PRKD1: variants seen among roughly 807,000 people sequenced by gnomAD.
PRKD1 encodes the protein serine/threonine-protein kinase D1.
A neutral mutation model predicts 95.9 loss-of-function variants in PRKD1; 63 were observed. The ratio of observed to expected loss-of-function variants is 0.66; its 90% CI spans 0.54 to 0.81. The LOEUF is 0.81. Ranked by LOEUF, PRKD1 falls within the 30% of genes least tolerant of loss-of-function variation. The pLI is 0.00. For missense variants in PRKD1, 1,048 were observed against 1,165.3 expected (o/e 0.90, Z 1.47); for synonymous variants, 425 against 423.1 (o/e 1.00, Z -0.05).
Position 29,826,814 on chromosome 14 carries a change from CACATATATAT to C in PRKD1, c.264+100425_264+100434del, listed in dbSNP as rs1566623005. On this transcript the variant is annotated intron_variant, in intron 1 of 17. Transcript: ENST00000331968. ...ACACATATATATACACATATATATA[CACATATATAT>C]ATATATATATATATACACACATATA... Among the ~76,000 whole-genome samples the C allele has an allele frequency of 8.1e-4, 21 of 26,050 alleles. 3 individuals carry two copies. Among genetic ancestry groups the C allele is most frequent in the African/African-American group, 2.0e-3 (16 of 7,958 alleles). The allele number at this position is 26,050 out of a possible 152,430, so 17.1% of individuals were successfully genotyped here. A position where few individuals can be genotyped will look rare whatever the true frequency, so the allele number is the denominator to read the frequency against.
intron 16 of PRKD1, chr14:29,594,151 T>C (rs1277259587): frequency 2.2e-6 from 1 of 453,830 alleles, no homozygotes; most frequent in Non-Finnish European, 4.4e-6. Flanking sequence ...ATAGGTATTA[T>C]ATTGTATCAA....
intron 4 of PRKD1, among the ~76,000 whole-genome samples, chr14:29,651,604 A>C (rs1017262758): frequency 3.4e-5 from 5 of 145,646 alleles, no homozygotes; most frequent in Non-Finnish European, 3.0e-5. Context: ...CCAATCTTCT[A>C]CTCTCCTCTC....
intron 1 of PRKD1, among the ~76,000 whole-genome samples, chr14:29,781,183 A>C (rs572854564): frequency 6.6e-6 from 1 of 151,838 alleles, no homozygotes; most frequent in East Asian, 1.9e-4. Context: ...AGATATACCT[A>C]ATGTAAATGA....
rs771467240 is a variant in PRKD1, at chr14:29,614,958, C to A, written c.1905+9194G>T. ...AACTACTGAGCTCAGGCAGTCTGCC[C>A]GCCTCGGCCTCCCAAAGTGCTTGGA... On this transcript the variant is annotated intron_variant, in intron 13 of 17. Coordinates refer to ENST00000331968, the MANE Select transcript of PRKD1 (RefSeq NM_002742.3). 8.1e-4 allele frequency among the ~76,000 whole-genome samples: 123 copies of A among 151,364 alleles called. 1 individual carries two copies. Among genetic ancestry groups the A allele is most frequent in the Non-Finnish European group, 1.2e-3 (81 of 67,924 alleles).
chr14:29,801,730 C>G (rs750584135), intron 1 of PRKD1, among the ~76,000 whole-genome samples: 17 of 152,058 alleles, frequency 1.1e-4, no homozygotes, highest in Admixed American at 1.0e-3. Flanking sequence ...CTCTTGTTGC[C>G]CAGGCTGGAG....
At chr14:29,918,790 C>T (rs1000889757) in intron 1 of PRKD1, among the ~76,000 whole-genome samples, 6 of 152,120 alleles carry the variant, frequency 3.9e-5, no homozygotes, top group Admixed American at 6.5e-5. Flanking sequence ...TACATAACTG[C>T]AAATAAGCAA....
chr14:29,762,411 G>A (rs563813288), intron 1 of PRKD1, among the ~76,000 whole-genome samples: 1 of 152,242 alleles, frequency 6.6e-6, no homozygotes, highest in East Asian at 1.9e-4. Context: ...AGTCAAATCA[G>A]AAGACAGGAT....
At chr14:29,819,805 T>C (rs1451570986) in intron 1 of PRKD1, among the ~76,000 whole-genome samples, 1 of 152,260 alleles carries the variant, frequency 6.6e-6, no homozygotes, top group Admixed American at 6.5e-5. Context: ...TGTGTTTTTA[T>C]TGTTGGCAAA....
chr14:29,632,788 T>C (rs1880101569), intron 9 of PRKD1, 81 bp downstream of exon 9: 3 of 1,271,608 alleles, frequency 2.4e-6, no homozygotes, highest in Non-Finnish European at 3.4e-6. Context: ...TTGTTGGATG[T>C]ATTTCCTATT....
chr14:29,851,147 C>A (rs967182050), intron 1 of PRKD1, among the ~76,000 whole-genome samples: 1 of 151,984 alleles, frequency 6.6e-6, no homozygotes, highest in Non-Finnish European at 1.5e-5. Flanking sequence ...AGAAAATGTC[C>A]GTCTTGACAT....
intron 2 of PRKD1, among the ~76,000 whole-genome samples, chr14:29,706,216 T>A (rs1885082288): frequency 6.6e-6 from 1 of 152,172 alleles, no homozygotes; most frequent in South Asian, 2.1e-4. Context: ...CACCTTTTCA[T>A]GTGCTTACTG....
intron 1 of PRKD1, among the ~76,000 whole-genome samples, chr14:29,882,658 T>C (rs1437506330): frequency 6.6e-6 from 1 of 152,172 alleles, no homozygotes; most frequent in South Asian, 2.1e-4. Context: ...GCATTTTCCC[T>C]CTCCCCAGCC....
chr14:29,894,144 T>C (rs1894036018), intron 1 of PRKD1, among the ~76,000 whole-genome samples: 1 of 151,426 alleles, frequency 6.6e-6, no homozygotes, highest in Admixed American at 6.6e-5. Context: ...TAAGCAAGAG[T>C]GAGCCAAGTG....
At chr14:29,796,345 T>C (rs1594527067) in intron 1 of PRKD1, among the ~76,000 whole-genome samples, 1 of 152,290 alleles carries the variant, frequency 6.6e-6, no homozygotes, top group East Asian at 1.9e-4. Flanking sequence ...AATTTCAAAA[T>C]TATCACTTTA....
chr14:29,812,736 C>G (rs1437291138), intron 1 of PRKD1, among the ~76,000 whole-genome samples: 1 of 152,198 alleles, frequency 6.6e-6, no homozygotes, highest in Non-Finnish European at 1.5e-5. Flanking sequence ...CTTCCCTCCA[C>G]ACATGGGAAT....
chr14:29,792,343 G>A (rs1322323966), intron 1 of PRKD1, among the ~76,000 whole-genome samples: 2 of 152,040 alleles, frequency 1.3e-5, no homozygotes, highest in Non-Finnish European at 2.9e-5. Flanking sequence ...AATATCTTAT[G>A]TAAGGTCAGA....
chr14:29,776,746 C>T (rs1888777584), intron 1 of PRKD1, among the ~76,000 whole-genome samples: 1 of 152,056 alleles, frequency 6.6e-6, no homozygotes, highest in Admixed American at 6.5e-5. Flanking sequence ...GAGAACTTCC[C>T]CAAACTAGCA....
chr14:29,899,235 TC>T (rs1419828097), intron 1 of PRKD1, among the ~76,000 whole-genome samples: 3 of 152,190 alleles, frequency 2.0e-5, no homozygotes, highest in Non-Finnish European at 4.4e-5. Flanking sequence ...ATAACAAATT[TC>T]ATGAAATCAT....
chr14:29,739,842 T>A (rs946562629), intron 1 of PRKD1, among the ~76,000 whole-genome samples: 1 of 152,194 alleles, frequency 6.6e-6, no homozygotes, highest in African/African-American at 2.4e-5. Context: ...TCTTTTATTT[T>A]AATTTGAATA....
Sources: allele counts gnomAD v4.1 joint callset (sites outside exome capture counted in the v4.1 genomes callset), GRCh38; gene constraint gnomAD v4.1.1; transcripts MANE v1.5; gene names NCBI Gene and HGNC (gene_info 2026-07-23, HGNC 2026-07-21).